Variants in SLC44A5 observed in about 807,000 individuals in gnomAD.
The protein encoded by SLC44A5 is solute carrier family 44 member 5, also known as choline transporter-like protein 5.
In SLC44A5, 57 loss-of-function variants were observed where a neutral mutation model predicts 101.8. The observed-to-expected ratio is 0.56, with a 90% CI of 0.45 to 0.70. The LOEUF (loss-of-function observed/expected upper bound fraction) is 0.70, where lower values mean the gene tolerates loss of function less well. Ranked by LOEUF, SLC44A5 falls within the 30% of genes least tolerant of loss-of-function variation. The pLI is 0.00. For synonymous variants in SLC44A5, 281 were observed against 290.9 expected (o/e 0.97, Z 0.35); for missense variants, 737 against 853.1 (o/e 0.86, Z 1.70).
chr1:75,480,205 C>T (rs1667748029), intron 2 of SLC44A5, among the ~76,000 whole-genome samples: 1 of 152,188 alleles, frequency 6.6e-6, no homozygotes. Flanking sequence ...TTCAACAATA[C>T]TTCATGCTAA....
chr1:75,463,584 A>G (rs1476874260), intron 2 of SLC44A5, among the ~76,000 whole-genome samples: 1 of 152,082 alleles, frequency 6.6e-6, no homozygotes, highest in Admixed American at 6.6e-5. Flanking sequence ...AAAAATTTTT[A>G]CCCTAGAATA....
intron 6 of SLC44A5, among the ~76,000 whole-genome samples, chr1:75,260,830 G>A (rs1187752861): frequency 6.6e-6 from 1 of 152,116 alleles, no homozygotes; most frequent in Admixed American, 6.5e-5. Flanking sequence ...CAGTCTCTCA[G>A]ACCACAGTGC....
At chr1:75,329,909 C>A (rs1400456384) in intron 4 of SLC44A5, among the ~76,000 whole-genome samples, 1 of 152,028 alleles carries the variant, frequency 6.6e-6, no homozygotes, top group Non-Finnish European at 1.5e-5. Flanking sequence ...CGAAGATTCT[C>A]CTACTACGTG....
chr1:75,388,375 C>T (rs1248123366), intron 3 of SLC44A5, among the ~76,000 whole-genome samples: 1 of 151,866 alleles, frequency 6.6e-6, no homozygotes, highest in Admixed American at 6.6e-5. Context: ...AGTACATAGT[C>T]CACAGAACCT....
At chr1:75,431,514 CAAG>C (rs1157247961) in intron 2 of SLC44A5, among the ~76,000 whole-genome samples, 1 of 152,108 alleles carries the variant, frequency 6.6e-6, no homozygotes, top group African/African-American at 2.4e-5. Context: ...TTTAGAATGT[CAAG>C]GTTTAATTAA....
At chr1:75,709,302 T>G in the SLC44A5 span, among the ~76,000 whole-genome samples, 1 of 152,230 alleles carries the variant, frequency 6.6e-6, no homozygotes, top group Non-Finnish European at 1.5e-5. Context: ...TAGAAATCTA[T>G]TTTAATTTTT....
intron 14 of SLC44A5, among the ~76,000 whole-genome samples, chr1:75,221,164 T>C (rs971153479): frequency 6.6e-6 from 1 of 152,202 alleles, no homozygotes; most frequent in Non-Finnish European, 1.5e-5. Context: ...TTGTTAACTA[T>C]TTAAACCACT....
chr1:75,237,068 C>G lies in SLC44A5; in HGVS notation c.659G>C (p.Gly220Ala). ...CTTTGCATCAAGAAGTTTATTGATA[C>G]CACTGCATTGAAAGAAGGGAAAAAA... ...SVVELGIAAN[G>A]INKLLDAKSL... The change falls in exon 11 of 24, where the codon GGT becomes GCT. Residue 220 changes from glycine (G) to alanine (A), a missense_variant and splice_region_variant. Physicochemically the swap from Gly to Ala is moderately conservative, Grantham distance 60. This residue lies in a region of SLC44A5 where 665 missense variants were observed against 764.4 expected (regional missense o/e 0.87). Transcript: ENST00000370859. 1 of 1,584,294 alleles carries G rather than the reference C, an allele frequency of 6.3e-7. No individual in the cohort carries two copies. The highest frequency in any genetic ancestry group is 8.6e-7 in the Non-Finnish European group (1 of 1,156,236).
upstream of SLC44A5, among the ~76,000 whole-genome samples, chr1:75,613,612 T>C (rs1675747523): frequency 6.6e-6 from 1 of 152,238 alleles, no homozygotes; most frequent in Non-Finnish European, 1.5e-5. Context: ...CTAAGTAACA[T>C]AACTTTTCCT....
At chr1:75,322,823 T>C (rs1656269949) in intron 4 of SLC44A5, among the ~76,000 whole-genome samples, 2 of 152,276 alleles carry the variant, frequency 1.3e-5, no homozygotes, top group South Asian at 4.1e-4. Flanking sequence ...TAGACCTGGA[T>C]TCCAACCTTG....
At chr1:75,262,824 G>T (rs920363557) in intron 6 of SLC44A5, among the ~76,000 whole-genome samples, 1 of 151,886 alleles carries the variant, frequency 6.6e-6, no homozygotes, top group East Asian at 1.9e-4. Context: ...CAGAAATAAC[G>T]TCACATATCT....
At chr1:75,280,375 A>G (rs1484030837) in intron 5 of SLC44A5, among the ~76,000 whole-genome samples, 117 of 117,208 alleles carry the variant, frequency 1.0e-3, no homozygotes, top group African/African-American at 4.1e-3. Flanking sequence ...TATATTGTAT[A>G]TATAATATAT....
intron 1 of SLC44A5, among the ~76,000 whole-genome samples, chr1:75,605,709 G>A (rs557886524): frequency 2.0e-5 from 3 of 152,140 alleles, no homozygotes; most frequent in South Asian, 4.1e-4. Context: ...CCACAGAAGG[G>A]GGTAAAGAGA....
the SLC44A5 span, among the ~76,000 whole-genome samples, chr1:75,679,635 C>G: frequency 6.6e-6 from 1 of 152,086 alleles, no homozygotes; most frequent in African/African-American, 2.4e-5. Context: ...AAAGGAACAA[C>G]TGGTACCAGC....
the SLC44A5 span, among the ~76,000 whole-genome samples, chr1:75,703,103 G>A: frequency 8.0e-5 from 12 of 150,580 alleles, no homozygotes; most frequent in Admixed American, 2.7e-4. Context: ...TCAGTGTGGC[G>A]ATTCCTCAGG....
chr1:75,702,865 C>T, the SLC44A5 span, among the ~76,000 whole-genome samples: 4 of 152,038 alleles, frequency 2.6e-5, no homozygotes, highest in Admixed American at 6.6e-5. Flanking sequence ...GAACAGACAC[C>T]TCTCAAAAGA....
Position 75,479,901 on chromosome 1 carries a change from G to C in SLC44A5, c.13+61534C>G, listed in dbSNP as rs550666830. 5.9e-5 allele frequency among the ~76,000 whole-genome samples: 9 copies of C among 152,242 alleles called. No individual in the cohort carries two copies. The East Asian group carries it at 1.7e-3, about 29-fold the overall frequency. On this transcript the variant is annotated intron_variant, in intron 2 of 23. Coordinates refer to ENST00000370859, the MANE Select transcript of SLC44A5 (RefSeq NM_001130058.2). ...AGGGAATCCTCCCTAACTCATTTGA[G>C]GAGGCCAGCATCATCCTGATACCAA...
chr1:75,545,221 T>C (rs1435583635), intron 1 of SLC44A5, among the ~76,000 whole-genome samples: 1 of 152,210 alleles, frequency 6.6e-6, no homozygotes, highest in African/African-American at 2.4e-5. Flanking sequence ...TATTCCATGG[T>C]GTATCTGTGC....
intron 3 of SLC44A5, among the ~76,000 whole-genome samples, chr1:75,388,347 C>G (rs935195794): frequency 3.3e-5 from 5 of 150,758 alleles, no homozygotes; most frequent in Non-Finnish European, 7.4e-5. Context: ...ATAATACTTG[C>G]TACCACAAAA....
Sources: gnomAD v4.1 joint callset for allele counts (sites outside exome capture counted in the v4.1 genomes callset) on GRCh38, gnomAD v4.1.1 for gene constraint, gnomAD v4.1.1 regional missense constraint, MANE v1.5 for transcripts, NCBI Gene and HGNC (gene_info 2026-07-23, HGNC 2026-07-21) for gene names.